MACROD2: variants seen among roughly 807,000 people sequenced by gnomAD.
MACROD2 encodes the protein mono-ADP ribosylhydrolase 2.
Under a neutral mutation model 70.4 loss-of-function variants are expected in MACROD2, and 36 were observed. That is an observed-to-expected ratio of 0.51 (90% confidence interval 0.39 to 0.68). The LOEUF is 0.68. Ranked by LOEUF, MACROD2 falls within the 30% of genes least tolerant of loss-of-function variation. The probability of loss-of-function intolerance (pLI) is 0.00; values close to 1 mark genes in which losing one functional copy is unlikely to be tolerated. For missense variants in MACROD2, 496 were observed against 538.4 expected (o/e 0.92, Z 0.78); for synonymous variants, 172 against 178.8 (o/e 0.96, Z 0.30).
chr20:14,108,603 A>G (rs1335391181), intron 3 of MACROD2, among the ~76,000 whole-genome samples: 1 of 152,104 alleles, frequency 6.6e-6, no homozygotes, highest in Non-Finnish European at 1.5e-5. Flanking sequence ...AGCAAAAAAG[A>G]GTAGGAGTAG....
chr20:14,440,301 G>A (rs1162732544), intron 3 of MACROD2, among the ~76,000 whole-genome samples: 1 of 152,072 alleles, frequency 6.6e-6, no homozygotes, highest in Non-Finnish European at 1.5e-5. Flanking sequence ...TTTGAATGCA[G>A]CCCAACACAA....
chr20:15,136,334 A>C (rs1219184564), intron 5 of MACROD2, among the ~76,000 whole-genome samples: 1 of 151,516 alleles, frequency 6.6e-6, no homozygotes, highest in South Asian at 2.1e-4. Flanking sequence ...ACAGTAACCA[A>C]AACAGCATGG....
intron 5 of MACROD2, among the ~76,000 whole-genome samples, chr20:14,980,010 T>C (rs557982068): frequency 1.1e-3 from 167 of 152,266 alleles, no homozygotes; most frequent in African/African-American, 4.0e-3. Flanking sequence ...GTAATAATAA[T>C]GGCTAGCATT....
At chr20:14,641,683 T>G (rs1181130825) in intron 4 of MACROD2, among the ~76,000 whole-genome samples, 1 of 152,222 alleles carries the variant, frequency 6.6e-6, no homozygotes, top group East Asian at 1.9e-4. Context: ...GAATGCATTG[T>G]AAATGAGCAG....
At position 15,397,158 on chromosome 20, in the gene MACROD2, C is replaced by T. The variant is rs77575474; in HGVS notation, c.541-34247C>T. Among the ~76,000 whole-genome samples, 1,046 of 152,306 alleles carry T rather than the reference C, an allele frequency of 6.9e-3. 24 individuals are homozygous for T. The highest frequency in any genetic ancestry group is 0.024 in the African/African-American group (999 of 41,560). ...GCAAATTCCAGTTGGTTAGAGCAAA[C>T]ACTGTGACAATATCTATTGTTCAAT... On this transcript the variant is annotated intron_variant, in intron 6 of 17. Transcript: ENST00000684519.
chr20:14,469,361 T>G (rs1309218893), intron 3 of MACROD2, among the ~76,000 whole-genome samples: 1 of 152,092 alleles, frequency 6.6e-6, no homozygotes, highest in African/African-American at 2.4e-5. Context: ...GCCCTTAACA[T>G]TTTTTCCTTC....
chr20:15,377,271 A>C (rs2045576489), intron 6 of MACROD2, among the ~76,000 whole-genome samples: 1 of 149,926 alleles, frequency 6.7e-6, no homozygotes, highest in Non-Finnish European at 1.5e-5. Flanking sequence ...GAAAACAGTT[A>C]GATTTCTAGA....
Position 13,995,744 on chromosome 20 carries a change from C to A in MACROD2, c.-20C>A, listed in dbSNP as rs1369925219. 6 of 1,593,318 alleles carry A rather than the reference C, an allele frequency of 3.8e-6. No homozygotes were observed. Among genetic ancestry groups the A allele is most frequent in the Non-Finnish European group, 5.1e-6 (6 of 1,167,766 alleles). ...AGCCTGGGGAACTTGCAGCTTAAAGCCAGCCACCCCCACGGCAACATGTAC... is the reference window on the plus strand; with the variant it reads ...AGCCTGGGGAACTTGCAGCTTAAAGACAGCCACCCCCACGGCAACATGTAC... On this transcript the variant is annotated 5_prime_UTR_variant, in exon 1 of 18. Coordinates refer to ENST00000684519, the MANE Select transcript of MACROD2 (RefSeq NM_001351661.2). The surrounding 1 kb of genome is among the most constrained non-coding windows in gnomAD (Gnocchi z 4.3).
intron 2 of MACROD2, among the ~76,000 whole-genome samples, chr20:14,019,443 G>A (rs1004109070): frequency 5.3e-5 from 8 of 151,998 alleles, no homozygotes; most frequent in African/African-American, 1.7e-4. Flanking sequence ...CTAATTTTTT[G>A]TATATTGTTT....
chr20:15,945,482 T>C (rs1399307780), intron 12 of MACROD2, among the ~76,000 whole-genome samples: 1 of 152,230 alleles, frequency 6.6e-6, no homozygotes, highest in African/African-American at 2.4e-5. Flanking sequence ...ATAGACATCT[T>C]TGCACACATA....
intron 3 of MACROD2, among the ~76,000 whole-genome samples, chr20:14,253,773 T>A (rs1785197860): frequency 6.6e-6 from 1 of 152,116 alleles, no homozygotes; most frequent in African/African-American, 2.4e-5. Context: ...ATCTTTGAAC[T>A]TCATAGGCCG....
At chr20:14,931,987 G>C (rs1039581733) in intron 5 of MACROD2, among the ~76,000 whole-genome samples, 2 of 138,738 alleles carry the variant, frequency 1.4e-5, no homozygotes, top group Non-Finnish European at 3.1e-5. Flanking sequence ...GAGCAACAGA[G>C]TGAGACCCTG....
chr20:15,556,041 T>C (rs1168761138), intron 8 of MACROD2, among the ~76,000 whole-genome samples: 1 of 152,050 alleles, frequency 6.6e-6, no homozygotes, highest in Non-Finnish European at 1.5e-5. Context: ...ACTCATGCAT[T>C]CCTGACTTAT....
intron 5 of MACROD2, among the ~76,000 whole-genome samples, chr20:14,924,733 A>G (rs1204019318): frequency 6.6e-6 from 1 of 152,148 alleles, no homozygotes; most frequent in Non-Finnish European, 1.5e-5. Flanking sequence ...TTTAAAAAAC[A>G]CTAGGATCTG....
chr20:14,906,257 G>A (rs914779383), intron 5 of MACROD2, among the ~76,000 whole-genome samples: 1 of 152,154 alleles, frequency 6.6e-6, no homozygotes, highest in Non-Finnish European at 1.5e-5. Context: ...ACTTTGGGAG[G>A]CCAAGGAGGG....
At chr20:14,764,671 G>A (rs2072062157) in intron 5 of MACROD2, among the ~76,000 whole-genome samples, 1 of 152,052 alleles carries the variant, frequency 6.6e-6, no homozygotes, top group African/African-American at 2.4e-5. Context: ...ACTGCACCCA[G>A]TGAGTATTGT....
intron 5 of MACROD2, among the ~76,000 whole-genome samples, chr20:14,995,449 G>A (rs753487012): frequency 1.3e-5 from 2 of 152,074 alleles, no homozygotes; most frequent in Non-Finnish European, 2.9e-5. Context: ...GCTGAGGCAG[G>A]AAGATTGCTT....
intron 5 of MACROD2, among the ~76,000 whole-genome samples, chr20:15,122,682 A>C (rs1030358486): frequency 7.2e-5 from 11 of 152,132 alleles, no homozygotes; most frequent in Admixed American, 5.9e-4. Flanking sequence ...ACCCAAATGC[A>C]TTCTATACAT....
rs73259180 is a variant in MACROD2, at chr20:14,187,040, C to G, written c.271+101312C>G. Among the ~76,000 whole-genome samples the G allele has an allele frequency of 1.7e-3, 258 of 151,342 alleles. 1 individual carries two copies. The highest frequency in any genetic ancestry group is 5.9e-3 in the African/African-American group (244 of 41,270). On this transcript the variant is annotated intron_variant, in intron 3 of 17. Transcript: ENST00000684519. ...CCTGGGTGACAGGGTCATTCTTATACTAAGCCTCAGCAGCGTACAATTTAC... is the reference window on the plus strand; with the variant it reads ...CCTGGGTGACAGGGTCATTCTTATAGTAAGCCTCAGCAGCGTACAATTTAC...
Sources: gnomAD v4.1 joint callset for allele counts (sites outside exome capture counted in the v4.1 genomes callset) on GRCh38, gnomAD v4.1.1 for gene constraint, Gnocchi (gnomAD v3.1) non-coding constraint, MANE v1.5 for transcripts, NCBI Gene and HGNC (gene_info 2026-07-23, HGNC 2026-07-21) for gene names.